Variants in SPON1 observed in about 807,000 individuals in gnomAD.
SPON1 encodes spondin-1.
SPON1 carries 52 observed loss-of-function variants against 111.7 expected under a neutral mutation model. That is an observed-to-expected ratio of 0.47 (90% confidence interval 0.37 to 0.59). The LOEUF (loss-of-function observed/expected upper bound fraction) is 0.59. SPON1 is among the 20% of genes least tolerant of loss of function. The pLI, the probability that SPON1 is intolerant of heterozygous loss-of-function variation, is 0.00. For synonymous variants in SPON1, 410 were observed against 395.8 expected, an observed-to-expected ratio of 1.04 and a Z score of -0.43; for missense variants, 957 against 1,068.5, an observed-to-expected ratio of 0.90 and a Z score of 1.46.
At chr11:14,095,726 C>T (rs1052174826) in intron 5 of SPON1, among the ~76,000 whole-genome samples, 3 of 152,152 alleles carry the variant, frequency 2.0e-5, no homozygotes, top group African/African-American at 7.2e-5. Context: ...TGGATGAGGC[C>T]CACCCACACG....
At chr11:14,231,176 C>G (rs527285122) in intron 6 of SPON1, among the ~76,000 whole-genome samples, 14 of 151,050 alleles carry the variant, frequency 9.3e-5, no homozygotes, top group Non-Finnish European at 1.8e-4. Flanking sequence ...CTCTGTCACC[C>G]AGGCTTGAGA....
chr11:13,987,193 G>A (rs941358520), intron 2 of SPON1, among the ~76,000 whole-genome samples: 7 of 152,274 alleles, frequency 4.6e-5, no homozygotes, highest in Non-Finnish European at 8.8e-5. Flanking sequence ...GTGTAAAAGC[G>A]TTCCTATTTC....
chr11:14,167,815 C>A (rs1370374205), intron 6 of SPON1, among the ~76,000 whole-genome samples: 1 of 152,102 alleles, frequency 6.6e-6, no homozygotes, highest in Non-Finnish European at 1.5e-5. Flanking sequence ...GTGGAAAAAA[C>A]CTAAATAATT....
intron 6 of SPON1, among the ~76,000 whole-genome samples, chr11:14,199,231 A>G (rs1554935369): frequency 6.6e-6 from 1 of 152,122 alleles, no homozygotes; most frequent in Non-Finnish European, 1.5e-5. Flanking sequence ...ATGTAAGGGC[A>G]CTAGCTTTCA....
intron 6 of SPON1, among the ~76,000 whole-genome samples, chr11:14,177,037 T>C (rs576956915): frequency 1.3e-5 from 2 of 152,042 alleles, no homozygotes; most frequent in African/African-American, 2.4e-5. Flanking sequence ...GAGTTTTTTG[T>C]TGTTGTTTGT....
intron 1 of SPON1, among the ~76,000 whole-genome samples, chr11:13,970,957 C>G (rs542196903): frequency 2.0e-5 from 3 of 152,328 alleles, no homozygotes; most frequent in East Asian, 3.9e-4. Context: ...ATTCCCAGAA[C>G]AGTGCCTGGG....
In SPON1 at chr11:14,268,098, C is replaced by T. The variant is rs1160170920; in HGVS notation, c.*2411C>T. On this transcript the variant is annotated 3_prime_UTR_variant, in exon 16 of 16. Coordinates refer to ENST00000576479, the MANE Select transcript of SPON1 (RefSeq NM_006108.4). The stretch of plus-strand genomic sequence containing the variant: ...AACCTGGGTTTCTATAGACCCAGAA[C>T]TGAAAAAATAAACATCGTGCTGTTT... Among the ~76,000 whole-genome samples, 1 of 152,096 alleles carries T rather than the reference C, an allele frequency of 6.6e-6. No individual in the cohort carries two copies. Among genetic ancestry groups the T allele is most frequent in the Non-Finnish European group, 1.5e-5 (1 of 68,012 alleles).
intron 15 of SPON1, 192 bp downstream of exon 15, chr11:14,263,167 A>G (rs1554942105): frequency 3.3e-6 from 2 of 607,116 alleles, no homozygotes; most frequent in African/African-American, 3.7e-5. Flanking sequence ...AGCATAATTT[A>G]TAAAGGAGAT....
In SPON1 at chr11:14,035,461, T is replaced by A. The variant is rs1338580124; in HGVS notation, c.346-6060T>A. On this transcript the variant is annotated intron_variant, in intron 2 of 15. Transcript: ENST00000576479. ...GTGCTGAAAAATGCTATTATTATTA[T>A]CAAGGCTATTAATAACCATCTAGGG... is the stretch of plus-strand genomic sequence containing the variant. Among the ~76,000 whole-genome samples, 3 of 152,236 alleles carry A rather than the reference T, an allele frequency of 2.0e-5. No individual in the cohort carries two copies. The East Asian group carries it at 5.8e-4, about 29-fold the overall frequency.
At chr11:13,971,813 T>A (rs1848065317) in intron 1 of SPON1, among the ~76,000 whole-genome samples, 1 of 152,142 alleles carries the variant, frequency 6.6e-6, no homozygotes, top group African/African-American at 2.4e-5. Context: ...CCAACATGAC[T>A]GCAACATTTC....
chr11:13,983,089 G>T, intron 2 of SPON1, 136 bp downstream of exon 2: 1 of 628,950 alleles, frequency 1.6e-6, no homozygotes, highest in South Asian at 2.0e-5. Context: ...ATTTGAAAGG[G>T]TCATCATGGA....
chr11:13,979,706 G>A (rs1848129733), intron 1 of SPON1, among the ~76,000 whole-genome samples: 1 of 152,204 alleles, frequency 6.6e-6, no homozygotes, highest in South Asian at 2.1e-4. Context: ...GAGGACCAGG[G>A]ACACAAGAGC....
chr11:14,109,698 A>G (rs1849212823), intron 5 of SPON1, among the ~76,000 whole-genome samples: 1 of 152,192 alleles, frequency 6.6e-6, no homozygotes, highest in African/African-American at 2.4e-5. Flanking sequence ...CTCCCCCAAT[A>G]AAGGATAAGT....
chr11:14,049,723 A>C (rs368681679), intron 3 of SPON1, among the ~76,000 whole-genome samples: 5 of 152,138 alleles, frequency 3.3e-5, no homozygotes, highest in East Asian at 1.9e-4. Flanking sequence ...TCATCCACAA[A>C]CTGAAATCCA....
chr11:14,013,764 T>A (rs1490950040), intron 2 of SPON1, among the ~76,000 whole-genome samples: 1 of 152,174 alleles, frequency 6.6e-6, no homozygotes, highest in East Asian at 1.9e-4. Context: ...CTGGGTGCCC[T>A]GTCTCCTTGA....
chr11:14,230,847 G>A (rs1450625573), intron 6 of SPON1, among the ~76,000 whole-genome samples: 1 of 152,126 alleles, frequency 6.6e-6, no homozygotes, highest in African/African-American at 2.4e-5. Flanking sequence ...AGGGTGCAGT[G>A]GCACAATCAC....
chr11:14,127,606 G>A (rs1410138532), intron 5 of SPON1, among the ~76,000 whole-genome samples: 5 of 152,270 alleles, frequency 3.3e-5, no homozygotes, highest in East Asian at 1.9e-4. Context: ...GTCATAACTC[G>A]CCTGCCTCTG....
At chr11:14,222,815 T>C (rs1283750764) in intron 6 of SPON1, among the ~76,000 whole-genome samples, 1 of 152,136 alleles carries the variant, frequency 6.6e-6, no homozygotes, top group Non-Finnish European at 1.5e-5. Flanking sequence ...GTGTAAATAC[T>C]CTCACCAGGG....
At chr11:14,002,676 G>A (rs782314411) in intron 2 of SPON1, among the ~76,000 whole-genome samples, 4 of 152,056 alleles carry the variant, frequency 2.6e-5, no homozygotes, top group Non-Finnish European at 5.9e-5. Context: ...ACTCCCAAGA[G>A]CCTGGTGGCA....
Sources: gnomAD v4.1 joint callset for allele counts (sites outside exome capture counted in the v4.1 genomes callset) on GRCh38, gnomAD v4.1.1 for gene constraint, MANE v1.5 for transcripts, NCBI Gene and HGNC (gene_info 2026-07-23, HGNC 2026-07-21) for gene names.